DNASE1: variants seen among roughly 807,000 people sequenced by gnomAD.
DNASE1 encodes deoxyribonuclease 1.
In DNASE1, 40 loss-of-function variants were observed where a neutral mutation model predicts 33.9. That is an observed-to-expected ratio of 1.18 (90% CI 0.92 to 1.54). DNASE1 has a LOEUF of 1.54. Ranked by LOEUF, DNASE1 falls within the 40% of genes most tolerant of loss-of-function variation. The pLI, the probability that DNASE1 is intolerant of heterozygous loss-of-function variation, is 0.00. For synonymous variants in DNASE1, 216 were observed against 160.0 expected (o/e 1.35, Z -2.64); for missense variants, 518 against 372.6 (o/e 1.39, Z -3.21).
At chr16:3,650,909 A>G (rs1299190829), upstream of DNASE1, 8 of 152,242 alleles carry the variant, frequency 5.3e-5, no homozygotes, top group Non-Finnish European at 8.8e-5. Flanking sequence ...GAGGGAAGAT[A>G]CCCTATAAAG....
chr16:3,663,992 G>A (rs2044428376), exon 10 of DNASE1: 1 of 372,314 alleles, frequency 2.7e-6, no homozygotes, highest in Non-Finnish European at 4.8e-6. Flanking sequence ...GAACCCAGGA[G>A]GCGGAAGTTG....
chr16:3,627,937 C>T (rs925073904), intron 1 of DNASE1, among the ~76,000 whole-genome samples: 1 of 80,388 alleles, frequency 1.2e-5, no homozygotes, highest in East Asian at 3.6e-4. Context: ...TCTATTTCTG[C>T]AAAAAAAAAA....
At position 3,618,467 on chromosome 16, in the gene DNASE1, C is replaced by T. The variant is rs376896488; in HGVS notation, c.-1359+6461C>T. 4.6e-5 allele frequency among the ~76,000 whole-genome samples: 7 copies of T among 152,258 alleles called. No individual in the cohort carries two copies. The East Asian group carries it at 1.2e-3, about 25-fold the overall frequency. On this transcript the variant is annotated intron_variant and NMD_transcript_variant, in intron 1 of 11. Transcript: ENST00000570769. ...TTTAAGGGCCAGGCGCGGTGGCTCA[C>T]GCCCGTAATCCCAGCACTTTGGGAG...
At chr16:3,629,171 C>CAAAAAAAAAAAAAAAAAAAAAAAAAAAA (rs536378443) in intron 1 of DNASE1, among the ~76,000 whole-genome samples, 1 of 55,062 alleles carries the variant, frequency 1.8e-5, no homozygotes. Context: ...GACTAAGTCT[C>CAAAAAAAAAAAAAAAAAAAAAAAAAAAA]AAAAAAAAAA....
At chr16:3,653,190 T>G (rs998157597), upstream of DNASE1, 1 of 152,112 alleles carries the variant, frequency 6.6e-6, no homozygotes, top group Non-Finnish European at 1.5e-5. Flanking sequence ...CAGCCACAAC[T>G]AAGGAAAGCC....
At position 3,663,488 on chromosome 16, in the gene DNASE1, G is replaced by T. The variant is rs755261206; in HGVS notation, c.*5535G>T. The T allele has an allele frequency of 1.9e-6, 3 of 1,614,190 alleles. No individual in the cohort carries two copies. The Admixed American group carries it at 5.0e-5, about 27-fold the overall frequency. ...CCACGACTATGTCCGTCTCCACAGAGATCAGCTTCTTCTTGTCAAACTCAC... is the reference window on the plus strand; with the variant it reads ...CCACGACTATGTCCGTCTCCACAGATATCAGCTTCTTCTTGTCAAACTCAC... On this transcript the variant is annotated 3_prime_UTR_variant, in exon 10 of 10. Transcript: ENST00000407479.
chr16:3,615,914 A>C (rs891830703), intron 1 of DNASE1, among the ~76,000 whole-genome samples: 5 of 152,158 alleles, frequency 3.3e-5, no homozygotes, highest in African/African-American at 1.2e-4. Flanking sequence ...ATAAATGGTA[A>C]AGCCATAACC....
chr16:3,621,775 A>G (rs1418583676), intron 1 of DNASE1, among the ~76,000 whole-genome samples: 2 of 152,202 alleles, frequency 1.3e-5, no homozygotes, highest in African/African-American at 4.8e-5. Flanking sequence ...TCCTTCTACA[A>G]TGGCTAATGG....
upstream of DNASE1, among the ~76,000 whole-genome samples, chr16:3,650,237 C>T (rs922056448): frequency 2.0e-5 from 3 of 152,126 alleles, no homozygotes; most frequent in Non-Finnish European, 4.4e-5. Flanking sequence ...ACTCTAGCAT[C>T]GTCTAAATCT....
chr16:3,654,232 C>G (rs969440069), upstream of DNASE1: 5 of 397,568 alleles, frequency 1.3e-5, no homozygotes, highest in South Asian at 2.8e-4. Flanking sequence ...AAACACACAG[C>G]CTATTGTCTA....
chr16:3,662,496 G>T, downstream of DNASE1: 1 of 517,306 alleles, frequency 1.9e-6, no homozygotes. Context: ...TTGGTGGGGG[G>T]AGTCTTAGCT....
At chr16:3,628,532 G>A (rs781261861) in intron 1 of DNASE1, among the ~76,000 whole-genome samples, 20 of 151,230 alleles carry the variant, frequency 1.3e-4, no homozygotes, top group Non-Finnish European at 2.9e-5. Context: ...TGAGTATGAT[G>A]TTCATTCAAT....
At chr16:3,612,920 A>G (rs1418362662) in intron 1 of DNASE1, among the ~76,000 whole-genome samples, 5 of 152,190 alleles carry the variant, frequency 3.3e-5, no homozygotes, top group Admixed American at 3.3e-4. Context: ...GTGTGCCTCC[A>G]GTCACTGAAA....
At chr16:3,618,231 C>CAGT (rs1192696534) in intron 1 of DNASE1, among the ~76,000 whole-genome samples, 1 of 149,078 alleles carries the variant, frequency 6.7e-6, no homozygotes, top group Non-Finnish European at 1.5e-5. Flanking sequence ...ACTTCATGGC[C>CAGT]AGTAGGACAG....
At chr16:3,658,851 T>C (rs780884537), downstream of DNASE1, 9 of 1,614,082 alleles carry the variant, frequency 5.6e-6, no homozygotes, top group Middle Eastern at 1.6e-4. Flanking sequence ...ATTCAGCTTC[T>C]TGATGAGCGC....
At chr16:3,657,402 T>C in intron 7 of DNASE1, 61 bp downstream of exon 7, 5 of 1,594,422 alleles carry the variant, frequency 3.1e-6, no homozygotes, top group Non-Finnish European at 3.4e-6. Flanking sequence ...CCGTGACTCA[T>C]AGGTCGGGCT....
At chr16:3,644,183 C>T (rs141349862) in intron 1 of DNASE1, among the ~76,000 whole-genome samples, 1 of 152,176 alleles carries the variant, frequency 6.6e-6, no homozygotes, top group Admixed American at 6.5e-5. Flanking sequence ...TAGCTCACAC[C>T]TGTAATCCCA....
chr16:3,617,131 A>C (rs1422853285), intron 1 of DNASE1, among the ~76,000 whole-genome samples: 1 of 151,828 alleles, frequency 6.6e-6, no homozygotes, highest in African/African-American at 2.4e-5. Flanking sequence ...GTTTGAGACC[A>C]GCCTGACCAA....
At chr16:3,639,513 C>T (rs911515950), upstream of DNASE1, among the ~76,000 whole-genome samples, 2 of 152,216 alleles carry the variant, frequency 1.3e-5, no homozygotes, top group African/African-American at 2.4e-5. Flanking sequence ...GCCCAGTCGA[C>T]GTCATCATCT....
Sources: allele counts gnomAD v4.1 joint callset (sites outside exome capture counted in the v4.1 genomes callset), GRCh38; gene constraint gnomAD v4.1.1; transcripts MANE v1.5; gene names NCBI Gene and HGNC (gene_info 2026-07-23, HGNC 2026-07-21).